DIP2A: variants seen among roughly 807,000 people sequenced by gnomAD.
DIP2A encodes the protein disco-interacting protein 2 homolog A.
In DIP2A, 85 loss-of-function variants were observed where a neutral mutation model predicts 177.4. The observed-to-expected ratio is 0.48, with a 90% confidence interval of 0.40 to 0.57. DIP2A has a LOEUF of 0.57. Ranked by LOEUF, DIP2A falls within the 20% of genes least tolerant of loss-of-function variation. The pLI, the probability that DIP2A is intolerant of heterozygous loss-of-function variation, is 0.00. For synonymous variants in DIP2A, 886 were observed against 881.8 expected, an observed-to-expected ratio of 1.00 and a Z score of -0.08; for missense variants, 1,791 against 2,100.2, an observed-to-expected ratio of 0.85 and a Z score of 2.88.
In DIP2A at chr21:46,561,807, T is replaced by C. The variant is rs1311572500; in HGVS notation, c.4089+2T>C. 6.2e-7 allele frequency: 1 copy of C among 1,613,702 alleles called. No homozygotes were observed. The highest frequency in any genetic ancestry group is 8.5e-7 in the Non-Finnish European group (1 of 1,179,818). ...CTGCCATTGATGGAGTCTGGAAAGG[T>C]AGTGGAAACCAAGACGCGTGCATTC... On this transcript the variant is annotated splice_donor_variant, in intron 34 of 37. Coordinates refer to ENST00000417564, the MANE Select transcript of DIP2A (RefSeq NM_015151.4). LOFTEE classifies it high-confidence loss of function.
chr21:46,498,590 T>C lies in DIP2A; in HGVS notation c.412T>C (p.Ser138Pro), dbSNP rs1376134297. Residue 138 changes from serine (S) to proline (P), a missense_variant, in exon 5 of 38, where the codon TCT becomes CCT. By Grantham distance (74) the Ser-to-Pro change is moderately conservative. Transcript: ENST00000417564. This position sits in a 1 kb window ranked among gnomAD's most constrained non-coding sequence, Gnocchi z 4.3. ...VETYTPPDTS[S>P]ASEDEGSLRR... ...CGTTATTTTAACCACAGACACGTCG[T>C]CTGCCTCAGAAGATGAGGGCTCTTT... 1.2e-6 allele frequency: 2 copies of C among 1,607,146 alleles called. No homozygotes were observed. Among genetic ancestry groups the C allele is most frequent in the East Asian group, 2.2e-5 (1 of 44,710 alleles).
rs774423512 is a variant in DIP2A, at chr21:46,554,813, G to A, written c.3277-9G>A. The A allele has an allele frequency of 6.1e-5, 31 of 509,020 alleles. No homozygotes were observed. The East Asian group carries it at 6.7e-4, about 11-fold the overall frequency. The allele number at this position is 509,020 out of a possible 1,614,324, so 31.5% of individuals were successfully genotyped here. On this transcript the variant is annotated splice_polypyrimidine_tract_variant and intron_variant, in intron 27 of 37. Transcript: ENST00000417564. ...CCCGCCCACCCACCCTTGGCCCCTC[G>A]CCATGCAGGTCAGCAAGTCTGCATG...
At chr21:46,575,248 AAAC>A in the DIP2A span, among the ~76,000 whole-genome samples, 1 of 152,158 alleles carries the variant, frequency 6.6e-6, no homozygotes, top group African/African-American at 2.4e-5. Context: ...TTAAAGAAAA[AAAC>A]AACTAGGAAT....
chr21:46,489,158 C>A (rs1361005348), intron 2 of DIP2A, among the ~76,000 whole-genome samples: 6 of 152,178 alleles, frequency 3.9e-5, no homozygotes, highest in Non-Finnish European at 1.5e-5. Flanking sequence ...TGTGTATGCT[C>A]ACATTTTGAA....
rs2060537870 is a variant in DIP2A, at chr21:46,558,229, G to T, written c.3805G>T (p.Gly1269Trp). The T allele has an allele frequency of 6.2e-7, 1 of 1,610,932 alleles. No homozygotes were observed. Among genetic ancestry groups the T allele is most frequent in the Non-Finnish European group, 8.5e-7 (1 of 1,178,886 alleles). The change falls in exon 32 of 38, where the codon GGG becomes TGG. Residue 1269 changes from glycine to tryptophan, a missense_variant. Coordinates refer to ENST00000417564, the MANE Select transcript of DIP2A (RefSeq NM_015151.4). ...GAQTGVLRMK[G>W]VNLSCVRTCM... is the part of the protein sequence containing the mutation. ...CCGCTCACCCCTCCCGCAGATGAAG[G>T]GGGTGAACCTGTCATGTGTGCGCAC...
At chr21:46,572,280 G>C (rs528726753), downstream of DIP2A, among the ~76,000 whole-genome samples, 2 of 152,176 alleles carry the variant, frequency 1.3e-5, no homozygotes, top group African/African-American at 4.8e-5. Context: ...GTAAGCTAAG[G>C]TTAATTTATT....
At position 46,561,817 on chromosome 21, in the gene DIP2A, C is replaced by A; in HGVS notation, c.4089+12C>A. Reference sequence around the variant, plus strand: ...TGGAGTCTGGAAAGGTAGTGGAAACCAAGACGCGTGCATTCTGAGTCGCGT... The same window carrying A: ...TGGAGTCTGGAAAGGTAGTGGAAACAAAGACGCGTGCATTCTGAGTCGCGT... On this transcript the variant is annotated intron_variant, in intron 34 of 37. Transcript: ENST00000417564. 6.2e-7 allele frequency: 1 copy of A among 1,613,806 alleles called. No homozygotes were observed. Among genetic ancestry groups the A allele is most frequent in the Non-Finnish European group, 8.5e-7 (1 of 1,179,762 alleles).
chr21:46,559,472 C>T, intron 32 of DIP2A, among the ~76,000 whole-genome samples: 1 of 152,194 alleles, frequency 6.6e-6, no homozygotes. Flanking sequence ...CCCTCTTCAC[C>T]ACAAAAAGAC....
chr21:46,553,361 A>T (rs1192439280), intron 25 of DIP2A: 1 of 152,160 alleles, frequency 6.6e-6, no homozygotes, highest in African/African-American at 2.4e-5. Context: ...TATTTATTAG[A>T]CTGAATTGCA....
chr21:46,566,088 T>G (rs2277827), intron 36 of DIP2A, among the ~76,000 whole-genome samples: 56,450 of 152,036 alleles, frequency 0.37, 11,014 homozygotes, highest in East Asian at 0.66. Flanking sequence ...CTTGGGCCCT[T>G]GGCCTCTGCT....
chr21:46,572,947 A>G (rs1470800216), downstream of DIP2A, among the ~76,000 whole-genome samples: 1 of 152,208 alleles, frequency 6.6e-6, no homozygotes, highest in African/African-American at 2.4e-5. Flanking sequence ...TTTGTAACCC[A>G]GGAGCAATAG....
At chr21:46,494,254 T>C (rs892010219) in intron 3 of DIP2A, among the ~76,000 whole-genome samples, 20 of 152,268 alleles carry the variant, frequency 1.3e-4, no homozygotes, top group African/African-American at 4.3e-4. Flanking sequence ...TCAGCCTCTA[T>C]GAACCTTAGT....
chr21:46,495,372 G>C (rs554982493), intron 3 of DIP2A, among the ~76,000 whole-genome samples: 3 of 150,494 alleles, frequency 2.0e-5, no homozygotes, highest in African/African-American at 7.3e-5. Context: ...GGGTTCAAAC[G>C]ATTTTCCTGC....
intron 1 of DIP2A, among the ~76,000 whole-genome samples, chr21:46,476,522 A>G (rs1414839268): frequency 1.3e-5 from 2 of 152,162 alleles, no homozygotes; most frequent in Non-Finnish European, 2.9e-5. Context: ...AAAGGAGGGA[A>G]ATGGAGAGAG....
At position 46,558,203 on chromosome 21, in the gene DIP2A, A is replaced by G; in HGVS notation, c.3799-20A>G. On this transcript the variant is annotated intron_variant, in intron 31 of 37. Transcript: ENST00000417564. ...CTCACTGAGCTGTGGCCGTGGCCTGACCGCTCACCCCTCCCGCAGATGAAG... is the reference window on the plus strand; with the variant it reads ...CTCACTGAGCTGTGGCCGTGGCCTGGCCGCTCACCCCTCCCGCAGATGAAG... 2 of 1,599,914 alleles carry G rather than the reference A, an allele frequency of 1.3e-6. No individual in the cohort carries two copies. Among genetic ancestry groups the G allele is most frequent in the Non-Finnish European group, 1.7e-6 (2 of 1,173,628 alleles).
At chr21:46,544,694 T>G (rs2059956686) in intron 18 of DIP2A, among the ~76,000 whole-genome samples, 1 of 152,122 alleles carries the variant, frequency 6.6e-6, no homozygotes, top group Non-Finnish European at 1.5e-5. Flanking sequence ...AAAATAAGGT[T>G]ACTAGAAAGG....
intron 18 of DIP2A, among the ~76,000 whole-genome samples, chr21:46,544,839 G>A (rs1277083957): frequency 6.6e-6 from 1 of 152,154 alleles, no homozygotes; most frequent in Non-Finnish European, 1.5e-5. Context: ...GACAAGAGGA[G>A]GCACAGGGTT....
chr21:46,504,554 C>T, intron 6 of DIP2A, 65 bp downstream of exon 6: 3 of 1,525,836 alleles, frequency 2.0e-6, no homozygotes, highest in Non-Finnish European at 2.6e-6. Flanking sequence ...GGGTATTGAA[C>T]ACAGCTTTAA....
rs111815226 is a variant in DIP2A, at chr21:46,551,987, G to A, written c.3030+83G>A. 2.7e-4 allele frequency: 387 copies of A among 1,442,170 alleles called. 2 individuals carry two copies. In the African/African-American group the frequency reaches 3.1e-3, roughly 12 times the overall value. The allele number at this position is 1,442,170 out of a possible 1,614,324, so 89.3% of individuals were successfully genotyped here. A position where few individuals can be genotyped will look rare whatever the true frequency, so the allele number is the denominator to read the frequency against. ...TGCTTGTCTAGTTCATGGTGCCAGT[G>A]TCCTGGTTGTTCTCATGTTTAGAGA... On this transcript the variant is annotated intron_variant, in intron 25 of 37. Coordinates refer to ENST00000417564, the MANE Select transcript of DIP2A (RefSeq NM_015151.4).
Sources: gnomAD v4.1 joint callset for allele counts (sites outside exome capture counted in the v4.1 genomes callset) on GRCh38, gnomAD v4.1.1 for gene constraint, Gnocchi (gnomAD v3.1) non-coding constraint, MANE v1.5 for transcripts, NCBI Gene and HGNC (gene_info 2026-07-23, HGNC 2026-07-21) for gene names.